NLGN4X: variants seen among roughly 807,000 people sequenced by gnomAD.
NLGN4X encodes neuroligin 4 X-linked.
A neutral mutation model predicts 40.3 loss-of-function variants in NLGN4X; 3 were observed. The observed-to-expected ratio is 0.07, with a 90% CI of 0.03 to 0.19. The LOEUF (loss-of-function observed/expected upper bound fraction) is 0.19. Among genes scored for constraint, NLGN4X ranks in the 10% least tolerant of loss-of-function variants. NLGN4X has a pLI of 1.00. For synonymous variants in NLGN4X, 270 were observed against 306.8 expected (o/e 0.88, Z 1.25); for missense variants, 382 against 708.3 (o/e 0.54, Z 5.23).
At chrX:5,906,548 A>C (rs1488068707) in intron 4 of NLGN4X, among the ~76,000 whole-genome samples, 1 of 111,342 alleles carries the variant, frequency 9.0e-6, no homozygotes, top group African/African-American at 3.3e-5. Context: ...ACAGGGTCTC[A>C]CTCTGTCACC....
chrX:6,016,603 C>T (rs1179947682), intron 3 of NLGN4X, among the ~76,000 whole-genome samples: 1 of 111,354 alleles, frequency 9.0e-6, no homozygotes. Flanking sequence ...TATGACCTAT[C>T]GATTCGGCTC....
chrX:6,067,925 T>C (rs746645089), intron 2 of NLGN4X, among the ~76,000 whole-genome samples: 1 of 111,417 alleles, frequency 9.0e-6, no homozygotes, highest in African/African-American at 3.3e-5. Flanking sequence ...ACAGAAATTG[T>C]CCTTTTTCAA....
chrX:6,141,204 C>T (rs1171607951), intron 2 of NLGN4X, among the ~76,000 whole-genome samples: 2 of 111,293 alleles, frequency 1.8e-5, no homozygotes, highest in African/African-American at 6.5e-5. Context: ...AACATAAAGA[C>T]AAAATGTTAA....
At chrX:6,099,094 G>A (rs1032783514) in intron 2 of NLGN4X, among the ~76,000 whole-genome samples, 1 of 111,840 alleles carries the variant, frequency 8.9e-6, no homozygotes, top group Non-Finnish European at 1.9e-5. Context: ...GTCCCCTGAG[G>A]CAAAATTACC....
intron 3 of NLGN4X, among the ~76,000 whole-genome samples, chrX:5,961,888 T>A (rs1448517917): frequency 1.8e-5 from 2 of 111,063 alleles, no homozygotes; most frequent in Admixed American, 1.9e-4. Context: ...TCAAACCGAG[T>A]TTTCAAGGAT....
At chrX:6,020,447 G>A (rs1035295761) in intron 3 of NLGN4X, among the ~76,000 whole-genome samples, 25 of 112,042 alleles carry the variant, frequency 2.2e-4, no homozygotes, top group African/African-American at 7.5e-4. Flanking sequence ...TACAGAACTT[G>A]AAGCTGGAGG....
intron 2 of NLGN4X, among the ~76,000 whole-genome samples, chrX:6,087,008 C>T (rs140269359): frequency 0.031 from 3,492 of 111,598 alleles, 115 homozygotes; most frequent in African/African-American, 0.095. Flanking sequence ...CTAACCTGTG[C>T]TAGTTTTCTC....
At chrX:5,920,539 G>C (rs1381870734) in intron 3 of NLGN4X, among the ~76,000 whole-genome samples, 2 of 111,720 alleles carry the variant, frequency 1.8e-5, no homozygotes, top group African/African-American at 6.5e-5. Context: ...ACATCTTCTG[G>C]ACACATGTTG....
intron 1 of NLGN4X, among the ~76,000 whole-genome samples, chrX:6,158,265 A>C (rs1408579610): frequency 1.8e-5 from 2 of 111,730 alleles, no homozygotes; most frequent in Admixed American, 1.9e-4. Flanking sequence ...TCAAGAATAT[A>C]GTCAGATAGA....
chrX:5,923,775 T>C (rs1208454865), intron 3 of NLGN4X, among the ~76,000 whole-genome samples: 1 of 111,761 alleles, frequency 8.9e-6, no homozygotes, highest in Non-Finnish European at 1.9e-5. Context: ...TCAGCCACCA[T>C]GCCAGCCTTT....
chrX:6,207,325 G>A (rs1285006278), intron 1 of NLGN4X, among the ~76,000 whole-genome samples: 1 of 112,196 alleles, frequency 8.9e-6, no homozygotes, highest in African/African-American at 3.2e-5. Flanking sequence ...CAAACACTGT[G>A]TGCAATAATG....
At chrX:5,979,456 C>G (rs2035307089) in intron 3 of NLGN4X, among the ~76,000 whole-genome samples, 1 of 110,560 alleles carries the variant, frequency 9.0e-6, no homozygotes, top group South Asian at 3.8e-4. Flanking sequence ...ATATCACTTC[C>G]CCACCAGCAG....
At chrX:6,209,634 C>A (rs778151490) in intron 1 of NLGN4X, among the ~76,000 whole-genome samples, 1 of 111,709 alleles carries the variant, frequency 9.0e-6, no homozygotes, top group Admixed American at 9.6e-5. Flanking sequence ...CTAGTGCATC[C>A]TTGTGTAACA....
chrX:5,963,915 G>A (rs192330188), intron 3 of NLGN4X, among the ~76,000 whole-genome samples: 180 of 112,007 alleles, frequency 1.6e-3, no homozygotes, highest in African/African-American at 5.3e-3. Flanking sequence ...TTCCTGCTTC[G>A]GAATATATTT....
At chrX:6,210,582 T>C (rs1173881973) in intron 1 of NLGN4X, among the ~76,000 whole-genome samples, 2 of 112,050 alleles carry the variant, frequency 1.8e-5, no homozygotes, top group East Asian at 2.8e-4. Context: ...GGTAGAACAC[T>C]ACCAAGTCAC....
At chrX:6,126,547 T>C (rs7061102) in intron 2 of NLGN4X, among the ~76,000 whole-genome samples, 3,471 of 111,927 alleles carry the variant, frequency 0.031, 155 homozygotes, top group African/African-American at 0.11. Flanking sequence ...CATTCTTTTA[T>C]ACCAGGAGTA....
At chrX:6,049,730 TGGG>T (rs34737559) in intron 2 of NLGN4X, among the ~76,000 whole-genome samples, 4,870 of 14,398 alleles carry the variant, frequency 0.34, 344 homozygotes, top group African/African-American at 0.42. Context: ...AAAAATAAAA[TGGG>T]GGGGGGGGGC....
intron 3 of NLGN4X, among the ~76,000 whole-genome samples, chrX:5,966,566 G>A (rs1270096046): frequency 2.7e-5 from 3 of 112,266 alleles, no homozygotes; most frequent in East Asian, 2.8e-4. Flanking sequence ...GTTTTACCTC[G>A]TACCACTTTG....
chrX:6,137,954 A>C (rs1326075623), intron 2 of NLGN4X, among the ~76,000 whole-genome samples: 2 of 111,521 alleles, frequency 1.8e-5, no homozygotes, highest in African/African-American at 6.5e-5. Flanking sequence ...CCCTCCTTGT[A>C]ACACCTCAGG....
Sources: gnomAD v4.1 joint callset for allele counts (sites outside exome capture counted in the v4.1 genomes callset) on GRCh38, gnomAD v4.1.1 for gene constraint, MANE v1.5 for transcripts, NCBI Gene and HGNC (gene_info 2026-07-23, HGNC 2026-07-21) for gene names.